MSI1: variants seen among roughly 807,000 people sequenced by gnomAD.
MSI1 encodes the protein musashi RNA binding protein 1, also known as RNA-binding protein Musashi homolog 1.
MSI1 carries 15 observed loss-of-function variants against 54.4 expected under a neutral mutation model. That is an observed-to-expected ratio of 0.28 (90% CI 0.18 to 0.42). MSI1 has a LOEUF of 0.42. Among genes scored for constraint, MSI1 ranks in the 20% least tolerant of loss-of-function variants. The pLI is 1.00. For missense variants in MSI1, 304 were observed against 506.0 expected (o/e 0.60, Z 3.83); for synonymous variants, 200 against 196.5 (o/e 1.02, Z -0.15).
intron 12 of MSI1, 46 bp from the exon 13 acceptor site, chr12:120,346,368 C>T: frequency 6.9e-7 from 1 of 1,449,560 alleles, no homozygotes; most frequent in Non-Finnish European, 9.1e-7. Context: ...TGCCCTCTGC[C>T]ACCCCACGGC....
rs2285679 is a variant in MSI1 at position 120,353,394 on chromosome 12, G to A, written c.653-15C>T. The A allele has an allele frequency of 0.14, 222,295 of 1,612,974 alleles. 18,127 individuals carry two copies. The highest frequency in any genetic ancestry group is 0.44 in the East Asian group (19,853 of 44,842). On this transcript the variant is annotated splice_polypyrimidine_tract_variant and intron_variant, in intron 9 of 14. Transcript: ENST00000257552. ...ACCTGGGTAACCTGATGGGGCAAGG[G>A]GGCAGTGTCAGATGGCTCATCCACA...
intron 11 of MSI1, among the ~76,000 whole-genome samples, 161 bp downstream of exon 11, chr12:120,351,183 C>T (rs930432180): frequency 5.3e-5 from 8 of 152,060 alleles, no homozygotes; most frequent in Non-Finnish European, 1.0e-4. Context: ...ATGTAGCCGC[C>T]CAGACTGGCC....
intron 10 of MSI1, among the ~76,000 whole-genome samples, chr12:120,352,541 G>A (rs897257148): frequency 9.1e-6 from 1 of 110,178 alleles, no homozygotes; most frequent in Non-Finnish European, 2.2e-5. Context: ...TCTCTAAAAT[G>A]AGGATAAGCA....
chr12:120,365,970 A>C (rs1592950609), intron 4 of MSI1, among the ~76,000 whole-genome samples: 1 of 152,264 alleles, frequency 6.6e-6, no homozygotes, highest in Non-Finnish European at 1.5e-5. Flanking sequence ...AGGTGCTATT[A>C]CCAGCAGGCC....
intron 12 of MSI1, among the ~76,000 whole-genome samples, chr12:120,347,139 G>A (rs979765032): frequency 2.6e-5 from 4 of 152,028 alleles, no homozygotes; most frequent in African/African-American, 4.8e-5. Flanking sequence ...TAGTAGAGAC[G>A]GGGTCTCACC....
At chr12:120,353,766 C>T (rs905522524) in intron 9 of MSI1, among the ~76,000 whole-genome samples, 1 of 152,218 alleles carries the variant, frequency 6.6e-6, no homozygotes, top group Admixed American at 6.5e-5. Context: ...TTCAGCTTTG[C>T]CAAGCTCATT....
At position 120,368,032 on chromosome 12, in the gene MSI1, C is replaced by T; in HGVS notation, c.243G>A (p.Ser81=). 1.2e-6 allele frequency: 2 copies of T among 1,613,198 alleles called. No individual in the cohort carries two copies. Among genetic ancestry groups the T allele is most frequent in the Non-Finnish European group, 1.7e-6 (2 of 1,179,662 alleles). The part of the protein sequence containing the change: ...QAGVDKVLAQ[S]RHELDSKTID... ...CTGTTTTGGAGTCGAGCTCGTGCCG[C>T]GATTGCGCCAGCACTTTATCCACCC... The change falls in exon 4 of 15, where the codon TCG becomes TCA. Residue 81 remains serine, a synonymous_variant. Coordinates refer to ENST00000257552, the MANE Select transcript of MSI1 (RefSeq NM_002442.4). This position sits in a 1 kb window ranked among gnomAD's most constrained non-coding sequence, Gnocchi z 6.6.
intron 6 of MSI1, among the ~76,000 whole-genome samples, chr12:120,359,670 T>A (rs571261175): frequency 3.3e-5 from 5 of 152,286 alleles, no homozygotes; most frequent in Admixed American, 1.3e-4. Context: ...CATCCTCTCT[T>A]GGACCCCAGT....
At chr12:120,351,287 G>C (rs1475481085) in intron 11 of MSI1, 57 bp downstream of exon 11, 1 of 1,487,876 alleles carries the variant, frequency 6.7e-7, no homozygotes, top group African/African-American at 1.4e-5. Context: ...AACTCCCTGG[G>C]CCCCTTCTGT....
intron 9 of MSI1, among the ~76,000 whole-genome samples, chr12:120,355,941 T>A (rs1268629858): frequency 4.0e-5 from 6 of 151,844 alleles, no homozygotes; most frequent in African/African-American, 1.2e-4. Flanking sequence ...CCTTGTACTG[T>A]TCTCTTTCTG....
chr12:120,354,170 G>C (rs1045715073), intron 9 of MSI1, among the ~76,000 whole-genome samples: 19 of 151,920 alleles, frequency 1.3e-4, no homozygotes, highest in African/African-American at 3.4e-4. Flanking sequence ...TTTTTTTGTA[G>C]AGATGGGGTC....
chr12:120,351,313 C>G, intron 11 of MSI1, 31 bp downstream of exon 11: 4 of 1,602,992 alleles, frequency 2.5e-6, no homozygotes, highest in Non-Finnish European at 3.4e-6. Context: ...CCCATGTGGC[C>G]TGAGAGGTAT....
downstream of MSI1, among the ~76,000 whole-genome samples, chr12:120,340,583 T>C (rs76567424): frequency 0.059 from 8,978 of 152,108 alleles, 394 homozygotes; most frequent in Admixed American, 0.15. Flanking sequence ...GTCAAGAACA[T>C]GGCTCACTGC....
Position 120,363,147 on chromosome 12 carries a change from G to A in MSI1, c.310-12C>T. On this transcript the variant is annotated splice_polypyrimidine_tract_variant and intron_variant, in intron 5 of 14. Transcript: ENST00000257552. ...GTTCGAGTCACCATCTGTTAGGGGA[G>A]GGAATGAGAAAGTGGGCATCTGAGT... 1.2e-6 allele frequency: 2 copies of A among 1,613,182 alleles called. No homozygotes were observed. Among genetic ancestry groups the A allele is most frequent in the East Asian group, 2.2e-5 (1 of 44,856 alleles).
rs1394599316 is a variant in MSI1 at position 120,356,967 on chromosome 12, G to A, written c.587C>T (p.Ala196Val). Residue 196 changes from alanine (A) to valine (V), a missense_variant, in exon 9 of 15, where the codon GCC (alanine) becomes GTC (valine). Ala to Val is a moderately conservative substitution (Grantham distance 64, BLOSUM62 0). Transcript: ENST00000257552. ...GGGCATGACTCGAGACCTCCCCCGG[G>A]CTGAGCCCGTTGGCGACATCACCTC... ...PKEVMSPTGS[A>V]RGRSRVMPYG... is the part of the protein sequence containing the mutation. 6.2e-7 allele frequency: 1 copy of A among 1,614,250 alleles called. No homozygotes were observed.
intron 9 of MSI1, among the ~76,000 whole-genome samples, chr12:120,353,996 TTTTA>T (rs1053337118): frequency 6.6e-6 from 1 of 152,178 alleles, no homozygotes; most frequent in Non-Finnish European, 1.5e-5. Context: ...CTTTTTTCTT[TTTTA>T]GAGACAGGAT....
chr12:120,346,690 C>T (rs1036830859), intron 12 of MSI1, among the ~76,000 whole-genome samples: 2 of 152,170 alleles, frequency 1.3e-5, no homozygotes, highest in African/African-American at 4.8e-5. Flanking sequence ...CTTTCCCCAC[C>T]CACTGGCCTC....
rs1181295310 is a variant in MSI1, at chr12:120,368,992, C to G, written c.59+41G>C. 8 of 1,105,670 alleles carry G rather than the reference C, an allele frequency of 7.2e-6. No individual in the cohort carries two copies. In the African/African-American group the frequency reaches 1.3e-4, roughly 19 times the overall value. The allele number at this position is 1,105,670 out of a possible 1,614,324, so 68.5% of individuals were successfully genotyped here. On this transcript the variant is annotated intron_variant, in intron 1 of 14. Coordinates refer to ENST00000257552, the MANE Select transcript of MSI1 (RefSeq NM_002442.4). This position sits in a 1 kb window ranked among gnomAD's most constrained non-coding sequence, Gnocchi z 6.6. ...ACCCGGATCGGCCATGTTGGCGGGG[C>G]CGGGGCGGGCGCGGGCCAAGCAGGC...
At chr12:120,361,743 G>A (rs1470008206) in intron 6 of MSI1, among the ~76,000 whole-genome samples, 1 of 151,316 alleles carries the variant, frequency 6.6e-6, no homozygotes, top group Non-Finnish European at 1.5e-5. Flanking sequence ...CCCCGCCGCG[G>A]GGCCCTTGGC....
Sources: allele counts gnomAD v4.1 joint callset (sites outside exome capture counted in the v4.1 genomes callset), GRCh38; gene constraint gnomAD v4.1.1; non-coding constraint Gnocchi (gnomAD v3.1); transcripts MANE v1.5; gene names NCBI Gene and HGNC (gene_info 2026-07-23, HGNC 2026-07-21).